Variants in STIL observed in about 807,000 individuals in gnomAD.
STIL encodes SCL-interrupting locus protein.
Under a neutral mutation model 110.1 loss-of-function variants are expected in STIL, and 55 were observed. That is an observed-to-expected ratio of 0.50 (90% CI 0.40 to 0.63). The LOEUF (loss-of-function observed/expected upper bound fraction) is 0.63. Among genes scored for constraint, STIL ranks in the 20% least tolerant of loss-of-function variants. STIL has a pLI of 0.00. For synonymous variants in STIL, 481 were observed against 530.0 expected, an observed-to-expected ratio of 0.91 and a Z score of 1.27; for missense variants, 1,358 against 1,530.0, an observed-to-expected ratio of 0.89 and a Z score of 1.87.
chr1:47,253,899 C>T (rs1569988914), intron 16 of STIL, among the ~76,000 whole-genome samples: 1 of 152,100 alleles, frequency 6.6e-6, no homozygotes, highest in East Asian at 1.9e-4. Flanking sequence ...TGAAACCAGG[C>T]CAGGCATGGT....
chr1:47,300,608 C>T (rs1190248571), intron 5 of STIL, among the ~76,000 whole-genome samples: 50 of 152,232 alleles, frequency 3.3e-4, no homozygotes. Context: ...GCTGGGATTA[C>T]AGGTGTGTGC....
intron 16 of STIL, among the ~76,000 whole-genome samples, chr1:47,259,064 G>A (rs1201192273): frequency 7.9e-6 from 1 of 126,680 alleles, no homozygotes; most frequent in African/African-American, 3.0e-5. Context: ...TCGGCTCACT[G>A]CAAGCTCTGC....
intron 2 of STIL, among the ~76,000 whole-genome samples, chr1:47,309,815 A>G (rs894840611): frequency 3.9e-5 from 6 of 152,202 alleles, no homozygotes; most frequent in Non-Finnish European, 5.9e-5. Flanking sequence ...CTAATGTGAA[A>G]TTATTCCCAT....
In STIL at chr1:47,251,428, T is replaced by C. The variant is rs1256442071; in HGVS notation, c.3575A>G (p.Asp1192Gly). 6.2e-7 allele frequency: 1 copy of C among 1,614,236 alleles called. No individual in the cohort carries two copies. The highest frequency in any genetic ancestry group is 1.7e-5 in the Admixed American group (1 of 60,034). Residue 1192 changes from aspartate to glycine, a missense_variant, in exon 17 of 17, where the codon GAT (aspartate) becomes GGT (glycine). Transcript: ENST00000371877. ...SNCESVGTNA[D>G]TPVLRNITNE... Reference sequence around the variant, plus strand: ...TGTAATATTTCTCAATACTGGCGTATCTGCGTTGGTCCCCACAGATTCACA... The same window carrying C: ...TGTAATATTTCTCAATACTGGCGTACCTGCGTTGGTCCCCACAGATTCACA...
intron 9 of STIL, among the ~76,000 whole-genome samples, chr1:47,289,074 A>C (rs1281001000): frequency 6.7e-6 from 1 of 148,598 alleles, no homozygotes; most frequent in African/African-American, 2.5e-5. Context: ...AAAAAAAAAA[A>C]AAAAAAAAAA....
At chr1:47,305,996 G>C (rs1468638436) in intron 2 of STIL, among the ~76,000 whole-genome samples, 1 of 151,900 alleles carries the variant, frequency 6.6e-6, no homozygotes, top group African/African-American at 2.4e-5. Context: ...CTCCCAAAGT[G>C]CTGGGATTAC....
chr1:47,260,307 T>C lies in STIL; in HGVS notation c.3062A>G (p.His1021Arg), dbSNP rs200030024. 1.2e-5 allele frequency: 20 copies of C among 1,613,894 alleles called. No individual in the cohort carries two copies. In the Admixed American group the frequency reaches 3.2e-4, roughly 26 times the overall value. Reference sequence around the variant, plus strand: ...AAGTTACCTGGCGTGATCCACGTTATGTGCATTTTTCTTCACTTTAGTGGG... The same window carrying C: ...AAGTTACCTGGCGTGATCCACGTTACGTGCATTTTTCTTCACTTTAGTGGG... Reference protein sequence around the residue: ...DSPTKVKKNAHNVDHASVLAC... With the variant: ...DSPTKVKKNARNVDHASVLAC... The change falls in exon 16 of 17, where the codon CAT becomes CGT. Residue 1021 changes from histidine (H) to arginine (R), a missense_variant. Physicochemically the swap from His to Arg is conservative, Grantham distance 29 (BLOSUM62 0). Coordinates refer to ENST00000371877, the MANE Select transcript of STIL (RefSeq NM_001048166.1).
At chr1:47,312,344 G>A (rs756617738) in intron 1 of STIL, among the ~76,000 whole-genome samples, 1 of 152,010 alleles carries the variant, frequency 6.6e-6, no homozygotes, top group African/African-American at 2.4e-5. Context: ...CAAAAAATTA[G>A]TGGGGTGTGG....
At chr1:47,285,732 T>C (rs1304504734) in intron 10 of STIL, among the ~76,000 whole-genome samples, 1 of 152,110 alleles carries the variant, frequency 6.6e-6, no homozygotes, top group Non-Finnish European at 1.5e-5. Flanking sequence ...GTGCTGGGAT[T>C]ACAGGCGTGA....
rs1189196063 is a variant in STIL, at chr1:47,269,644, G to A, written c.2606C>T (p.Ser869Phe). ...AVEEEFNQPLSVSNSSSLVVR... is the reference protein window; with the variant it reads ...AVEEEFNQPLFVSNSSSLVVR... The stretch of plus-strand genomic sequence containing the variant: ...ATCAAAGAGACCTTACTTGGATACA[G>A]AAAGTGGCTGGTTAAATTCTTCTTC... Residue 869 changes from serine (S) to phenylalanine (F), a missense_variant, in exon 14 of 17, where the codon TCT (serine) becomes TTT (phenylalanine). Ser to Phe is a radical substitution (Grantham distance 155, BLOSUM62 -2). Coordinates refer to ENST00000371877, the MANE Select transcript of STIL (RefSeq NM_001048166.1). 1.9e-6 allele frequency: 3 copies of A among 1,614,066 alleles called. No individual in the cohort carries two copies. The highest frequency in any genetic ancestry group is 2.5e-6 in the Non-Finnish European group (3 of 1,179,942).
intron 8 of STIL, among the ~76,000 whole-genome samples, chr1:47,292,044 T>C (rs1483690608): frequency 6.0e-5 from 9 of 150,610 alleles, no homozygotes; most frequent in Admixed American, 3.3e-4. Context: ...TTTTTTTTGT[T>C]AGAGACAGAG....
chr1:47,282,114 T>A (rs1200145974), intron 11 of STIL, among the ~76,000 whole-genome samples: 1 of 152,102 alleles, frequency 6.6e-6, no homozygotes, highest in Non-Finnish European at 1.5e-5. Flanking sequence ...CCATACATGC[T>A]TATTACATAG....
At position 47,282,362 on chromosome 1, in the gene STIL, G is replaced by T. The variant is rs746778024; in HGVS notation, c.1231C>A (p.His411Asn). ...AGTGATACCTTCTGACTCACTGGAT[G>T]AGGACTAGGAATTGGTCTTGGAGAA... ...DFSPRPIPSPHPVSQKISKIQ... is the reference protein window; with the variant it reads ...DFSPRPIPSPNPVSQKISKIQ... Residue 411 changes from histidine (H) to asparagine (N), a missense_variant, in exon 11 of 17, where the codon CAT becomes AAT. Coordinates refer to ENST00000371877, the MANE Select transcript of STIL (RefSeq NM_001048166.1). 10 of 1,610,914 alleles carry T rather than the reference G, an allele frequency of 6.2e-6. No homozygotes were observed. The Admixed American group carries it at 1.3e-4, about 21-fold the overall frequency.
chr1:47,306,894 C>T (rs1376978446), intron 2 of STIL, among the ~76,000 whole-genome samples: 1 of 152,128 alleles, frequency 6.6e-6, no homozygotes, highest in Non-Finnish European at 1.5e-5. Flanking sequence ...GTGGCTCACA[C>T]CTATGTCAGC....
At chr1:47,299,251 G>A (rs1570256207) in intron 6 of STIL, among the ~76,000 whole-genome samples, 1 of 151,838 alleles carries the variant, frequency 6.6e-6, no homozygotes, top group East Asian at 2.0e-4. Flanking sequence ...GGAGGCTGAA[G>A]TGGGAGGATC....
At chr1:47,312,593 T>C (rs1646167090) in intron 1 of STIL, among the ~76,000 whole-genome samples, 1 of 152,248 alleles carries the variant, frequency 6.6e-6, no homozygotes. Flanking sequence ...AGTATTCACA[T>C]GGATAACTGT....
chr1:47,289,040 C>A (rs985344358), intron 9 of STIL, among the ~76,000 whole-genome samples: 5 of 112,726 alleles, frequency 4.4e-5, no homozygotes, highest in African/African-American at 1.7e-4. Context: ...CCAGCCTGGG[C>A]AACTGAGTGA....
chr1:47,277,635 G>A (rs1645031013), intron 12 of STIL, among the ~76,000 whole-genome samples: 1 of 152,286 alleles, frequency 6.6e-6, no homozygotes, highest in Non-Finnish European at 1.5e-5. Flanking sequence ...CTACAAAGCA[G>A]AGCCTGGGTT....
At chr1:47,267,044 C>G (rs1204816329) in intron 14 of STIL, among the ~76,000 whole-genome samples, 1 of 152,202 alleles carries the variant, frequency 6.6e-6, no homozygotes, top group Non-Finnish European at 1.5e-5. Flanking sequence ...CTTGCCATTA[C>G]ACTTGCTTTT....
Sources: gnomAD v4.1 joint callset for allele counts (sites outside exome capture counted in the v4.1 genomes callset) on GRCh38, gnomAD v4.1.1 for gene constraint, MANE v1.5 for transcripts, NCBI Gene and HGNC (gene_info 2026-07-23, HGNC 2026-07-21) for gene names.